Variants in SENP6 observed in about 807,000 individuals in gnomAD.
SENP6 encodes sentrin-specific protease 6.
Under a neutral mutation model 134.5 loss-of-function variants are expected in SENP6, and 41 were observed. The ratio of observed to expected loss-of-function variants is 0.30; its 90% CI spans 0.24 to 0.40. The LOEUF (loss-of-function observed/expected upper bound fraction) is 0.40, where lower values mean the gene tolerates loss of function less well. SENP6 is among the 10% of genes least tolerant of loss of function. The probability of loss-of-function intolerance (pLI) is 1.00; values close to 1 mark genes in which losing one functional copy is unlikely to be tolerated. For missense variants in SENP6, 1,248 were observed against 1,312.5 expected, an observed-to-expected ratio of 0.95 and a Z score of 0.76; for synonymous variants, 395 against 429.8, an observed-to-expected ratio of 0.92 and a Z score of 1.00.
intron 10 of SENP6, among the ~76,000 whole-genome samples, 198 bp downstream of exon 10, chr6:75,667,139 G>A (rs1265781136): frequency 6.6e-6 from 1 of 152,106 alleles, no homozygotes; most frequent in Non-Finnish European, 1.5e-5. Context: ...AAGGCTTGAA[G>A]TATAAAAAAT....
At position 75,602,541 on chromosome 6, in the gene SENP6, G is replaced by C. The variant is rs1417572371; in HGVS notation, c.17G>C (p.Ser6Thr). Reference sequence around the variant, plus strand: ...AGGAGGAAGATGGCGGCCGGCAAGAGCGGCGGTAGCGCAGGGGAGATTACT... The same window carrying C: ...AGGAGGAAGATGGCGGCCGGCAAGACCGGCGGTAGCGCAGGGGAGATTACT... MAAGKSGGSAGEITFL... is the reference protein window; with the variant it reads MAAGKTGGSAGEITFL... The change falls in exon 1 of 24, where the codon AGC becomes ACC. Residue 6 changes from serine to threonine, a missense_variant. Coordinates refer to ENST00000447266, the MANE Select transcript of SENP6 (RefSeq NM_015571.4). 6.4e-7 allele frequency: 1 copy of C among 1,551,584 alleles called. No individual in the cohort carries two copies. The highest frequency in any genetic ancestry group is 1.2e-5 in the South Asian group (1 of 84,058).
intron 3 of SENP6, among the ~76,000 whole-genome samples, chr6:75,624,367 AAAT>A (rs1768505942): frequency 6.6e-6 from 1 of 152,090 alleles, no homozygotes; most frequent in Non-Finnish European, 1.5e-5. Flanking sequence ...TTTTTTTCTA[AAAT>A]AATCTGTAAA....
chr6:75,691,720 G>A (rs1404020364), intron 16 of SENP6, among the ~76,000 whole-genome samples: 3 of 151,796 alleles, frequency 2.0e-5, no homozygotes, highest in East Asian at 1.9e-4. Flanking sequence ...TCAGCCTCCC[G>A]AGTAGCTGGG....
chr6:75,638,470 A>G (rs1769698845), intron 5 of SENP6, among the ~76,000 whole-genome samples: 1 of 149,188 alleles, frequency 6.7e-6, no homozygotes, highest in East Asian at 1.9e-4. Flanking sequence ...TAAGAATACC[A>G]TGACTTGTTA....
Position 75,711,317 on chromosome 6 carries a change from G to C in SENP6, c.2821-11G>C. 2 of 1,599,858 alleles carry C rather than the reference G, an allele frequency of 1.3e-6. No homozygotes were observed. Among genetic ancestry groups the C allele is most frequent in the Non-Finnish European group, 1.7e-6 (2 of 1,168,454 alleles). Reference sequence around the variant, plus strand: ...ATATTTTCAGTATTAACAGTAGGCTGTCTTTTATAGGATGATAGCAGTGAC... The same window carrying C: ...ATATTTTCAGTATTAACAGTAGGCTCTCTTTTATAGGATGATAGCAGTGAC... On this transcript the variant is annotated splice_polypyrimidine_tract_variant and intron_variant, in intron 20 of 23. Coordinates refer to ENST00000447266, the MANE Select transcript of SENP6 (RefSeq NM_015571.4).
chr6:75,661,048 A>G (rs375546238), intron 8 of SENP6, among the ~76,000 whole-genome samples: 17 of 152,222 alleles, frequency 1.1e-4, no homozygotes, highest in African/African-American at 4.1e-4. Context: ...GGCACTAGTT[A>G]TGTTCATTCA....
intron 16 of SENP6, among the ~76,000 whole-genome samples, chr6:75,690,690 T>G (rs1010036075): frequency 1.5e-5 from 2 of 134,504 alleles, no homozygotes; most frequent in Admixed American, 7.2e-5. Context: ...TTTGGTTTTT[T>G]TGTTTTTTGT....
chr6:75,647,163 G>A (rs184662122), intron 6 of SENP6: 13 of 152,310 alleles, frequency 8.5e-5, no homozygotes, highest in African/African-American at 3.1e-4. Flanking sequence ...CTTCTGTGAT[G>A]CGCTTTTATA....
Position 75,678,835 on chromosome 6 carries a change from A to T in SENP6, c.1983A>T (p.Pro661=). The change falls in exon 16 of 24, where the codon CCA becomes CCT. Residue 661 remains proline, a synonymous_variant. Transcript: ENST00000447266. ...GGTTGATAGTATATCCACCACCTCC[A>T]GCTAAGGGAGGCATCTCTGTTACCA... The part of the protein sequence containing the change: ...VEKLIVYPPP[P]AKGGISVTNE... 1.2e-6 allele frequency: 2 copies of T among 1,605,932 alleles called. No individual in the cohort carries two copies. Among genetic ancestry groups the T allele is most frequent in the South Asian group, 2.2e-5 (2 of 90,544 alleles).
chr6:75,687,110 T>C (rs994898912), intron 16 of SENP6, among the ~76,000 whole-genome samples: 4 of 152,200 alleles, frequency 2.6e-5, no homozygotes, highest in African/African-American at 7.2e-5. Flanking sequence ...TACTTTTTTT[T>C]CTCTAACCTT....
intron 17 of SENP6, 55 bp from the exon 18 acceptor site, chr6:75,697,370 T>A (rs1268515726): frequency 1.6e-6 from 2 of 1,250,912 alleles, no homozygotes; most frequent in Non-Finnish European, 1.1e-6. Context: ...TCACTACATA[T>A]AAGCTGGAGC....
intron 7 of SENP6, among the ~76,000 whole-genome samples, chr6:75,657,729 TAAC>T (rs1771457307): frequency 1.3e-5 from 2 of 152,240 alleles, no homozygotes; most frequent in African/African-American, 4.8e-5. Context: ...GAAGTACAAA[TAAC>T]AATAAAATGA....
At chr6:75,650,341 G>A (rs1770774271) in intron 7 of SENP6, among the ~76,000 whole-genome samples, 1 of 152,118 alleles carries the variant, frequency 6.6e-6, no homozygotes, top group Non-Finnish European at 1.5e-5. Context: ...TTCCCTTGGT[G>A]CTTAATAAAG....
chr6:75,700,699 C>T (rs1335518075), intron 18 of SENP6, among the ~76,000 whole-genome samples: 12 of 152,092 alleles, frequency 7.9e-5, no homozygotes, highest in Non-Finnish European at 1.5e-5. Flanking sequence ...GCCACGTTGC[C>T]CAGGCCAGTC....
At chr6:75,621,438 C>A in intron 1 of SENP6, 94 bp from the exon 2 acceptor site, 1 of 756,576 alleles carries the variant, frequency 1.3e-6, no homozygotes, top group Non-Finnish European at 2.2e-6. Context: ...AAAACAAAAT[C>A]TAGAATAATC....
At chr6:75,634,055 A>G (rs182649202) in intron 4 of SENP6, among the ~76,000 whole-genome samples, 1 of 152,326 alleles carries the variant, frequency 6.6e-6, no homozygotes, top group East Asian at 1.9e-4. Context: ...CCTTTAGGAA[A>G]TACTAATCAG....
At chr6:75,702,568 A>G (rs1039295326) in intron 18 of SENP6, 77 bp from the exon 19 acceptor site, 3 of 1,308,798 alleles carry the variant, frequency 2.3e-6, no homozygotes, top group Admixed American at 2.8e-5. Flanking sequence ...AGAAAAAAAC[A>G]TTTTAATTGA....
At chr6:75,634,436 C>T (rs1387655769) in intron 4 of SENP6, among the ~76,000 whole-genome samples, 2 of 152,068 alleles carry the variant, frequency 1.3e-5, no homozygotes, top group East Asian at 1.9e-4. Flanking sequence ...TTATTAGAGA[C>T]GGGGTTACAG....
intron 10 of SENP6, among the ~76,000 whole-genome samples, chr6:75,670,232 C>T (rs1333384845): frequency 1.3e-5 from 2 of 152,194 alleles, no homozygotes; most frequent in African/African-American, 4.8e-5. Context: ...CAGGTGTGAG[C>T]CACTGCTCCC....
Sources: allele counts gnomAD v4.1 joint callset (sites outside exome capture counted in the v4.1 genomes callset), GRCh38; gene constraint gnomAD v4.1.1; transcripts MANE v1.5; gene names NCBI Gene and HGNC (gene_info 2026-07-23, HGNC 2026-07-21).